GPATCH2: variants seen among roughly 807,000 people sequenced by gnomAD.
GPATCH2 encodes G-patch domain containing 2, also known as G patch domain-containing protein 2.
Under a neutral mutation model 58.0 loss-of-function variants are expected in GPATCH2, and 51 were observed. The ratio of observed to expected loss-of-function variants is 0.88; its 90% CI spans 0.70 to 1.11. GPATCH2 has a LOEUF of 1.11. Among genes scored for constraint, GPATCH2 ranks in the 50% most tolerant of loss-of-function variants. The pLI is 0.00. For missense variants in GPATCH2, 625 were observed against 652.2 expected (o/e 0.96, Z 0.45); for synonymous variants, 222 against 218.5 (o/e 1.02, Z -0.14).
intron 5 of GPATCH2, among the ~76,000 whole-genome samples, chr1:217,525,349 T>C (rs1233812909): frequency 6.6e-6 from 1 of 152,188 alleles, no homozygotes; most frequent in Admixed American, 6.5e-5. Context: ...CTGAAATACA[T>C]AGCACATAAT....
chr1:217,524,181 G>C (rs1320352352), intron 5 of GPATCH2, among the ~76,000 whole-genome samples: 2 of 138,778 alleles, frequency 1.4e-5, no homozygotes, highest in East Asian at 4.5e-4. Flanking sequence ...CTTCTCAGAC[G>C]GGGCGGCTGC....
chr1:217,451,348 A>C (rs766739132), intron 8 of GPATCH2, among the ~76,000 whole-genome samples: 30 of 152,236 alleles, frequency 2.0e-4, no homozygotes, highest in Non-Finnish European at 3.7e-4. Flanking sequence ...AACCGAAAGC[A>C]ATGGGAAATA....
chr1:217,529,552 A>G (rs1664086182), intron 5 of GPATCH2, among the ~76,000 whole-genome samples: 1 of 152,188 alleles, frequency 6.6e-6, no homozygotes. Flanking sequence ...GCAGAATAAG[A>G]GCCCTCACCA....
intron 3 of GPATCH2, among the ~76,000 whole-genome samples, chr1:217,613,064 C>G (rs932812164): frequency 6.6e-6 from 1 of 151,810 alleles, no homozygotes; most frequent in Admixed American, 6.6e-5. Context: ...TAACCAATAT[C>G]AGCATTTATA....
At chr1:217,572,629 A>G (rs1666622021) in intron 5 of GPATCH2, among the ~76,000 whole-genome samples, 1 of 152,234 alleles carries the variant, frequency 6.6e-6, no homozygotes. Flanking sequence ...GAATACATTA[A>G]GAACCAGAAT....
intron 5 of GPATCH2, among the ~76,000 whole-genome samples, chr1:217,565,264 A>G (rs1666162031): frequency 6.6e-6 from 1 of 152,252 alleles, no homozygotes; most frequent in Non-Finnish European, 1.5e-5. Context: ...ATGCAAATGT[A>G]TAAGGGCAAG....
At chr1:217,439,835 T>G (rs535442432) in intron 9 of GPATCH2, among the ~76,000 whole-genome samples, 1 of 152,188 alleles carries the variant, frequency 6.6e-6, no homozygotes, top group Non-Finnish European at 1.5e-5. Context: ...AATCCCTGAA[T>G]AGACTAATAA....
At chr1:217,568,098 T>C (rs756947736) in intron 5 of GPATCH2, among the ~76,000 whole-genome samples, 21 of 151,952 alleles carry the variant, frequency 1.4e-4, no homozygotes, top group South Asian at 2.1e-4. Context: ...GCCTGGGCGA[T>C]AGAGCAAGAC....
At chr1:217,548,137 G>A (rs1488470406) in intron 5 of GPATCH2, among the ~76,000 whole-genome samples, 1 of 151,942 alleles carries the variant, frequency 6.6e-6, no homozygotes, top group East Asian at 1.9e-4. Flanking sequence ...GTGTGAAAAC[G>A]GACTAATACG....
chr1:217,446,389 G>C (rs1659388124), intron 9 of GPATCH2, among the ~76,000 whole-genome samples: 1 of 152,082 alleles, frequency 6.6e-6, no homozygotes. Flanking sequence ...AATTTTCAGA[G>C]ACAAGATGAT....
At chr1:217,500,371 G>T (rs1398908128) in intron 6 of GPATCH2, among the ~76,000 whole-genome samples, 1 of 151,858 alleles carries the variant, frequency 6.6e-6, no homozygotes, top group African/African-American at 2.4e-5. Flanking sequence ...GATCTGTCCT[G>T]GAACTTCCTT....
chr1:217,513,697 T>C (rs1045463315), intron 6 of GPATCH2, among the ~76,000 whole-genome samples: 3 of 152,204 alleles, frequency 2.0e-5, no homozygotes, highest in South Asian at 4.1e-4. Flanking sequence ...TTTTAAAAAA[T>C]TATCTAGTAA....
chr1:217,469,073 TAA>T (rs2102499165), intron 8 of GPATCH2, among the ~76,000 whole-genome samples: 1 of 152,272 alleles, frequency 6.6e-6, no homozygotes, highest in South Asian at 2.1e-4. Context: ...GAAATTAAAT[TAA>T]GTTATCCATG....
chr1:217,521,271 CCTAGA>C (rs1663440773), intron 5 of GPATCH2, among the ~76,000 whole-genome samples: 1 of 146,164 alleles, frequency 6.8e-6, no homozygotes, highest in Admixed American at 6.9e-5. Flanking sequence ...GGGCACATGC[CCTAGA>C]CTATAGGAAT....
chr1:217,548,191 T>A (rs1300423431), intron 5 of GPATCH2, among the ~76,000 whole-genome samples: 3 of 152,062 alleles, frequency 2.0e-5, no homozygotes, highest in Admixed American at 1.3e-4. Context: ...TTCTCACTTA[T>A]AAGTGGGAGC....
intron 5 of GPATCH2, among the ~76,000 whole-genome samples, chr1:217,564,509 GT>G (rs60915198): frequency 0.032 from 4,919 of 152,188 alleles, 176 homozygotes; most frequent in East Asian, 0.17. Flanking sequence ...CAAATACTCC[GT>G]TTGACTCCAC....
At chr1:217,509,954 T>C (rs1662764972) in intron 6 of GPATCH2, among the ~76,000 whole-genome samples, 1 of 152,192 alleles carries the variant, frequency 6.6e-6, no homozygotes, top group South Asian at 2.1e-4. Context: ...GAAACACCAA[T>C]GATTCCTTAA....
intron 9 of GPATCH2, among the ~76,000 whole-genome samples, chr1:217,432,316 A>G (rs1658579158): frequency 7.6e-6 from 1 of 131,906 alleles, no homozygotes; most frequent in Non-Finnish European, 1.6e-5. Flanking sequence ...GACATTTTCA[A>G]AAATAGACTT....
At chr1:217,564,208 G>A in intron 5 of GPATCH2, among the ~76,000 whole-genome samples, 1 of 151,992 alleles carries the variant, frequency 6.6e-6, no homozygotes, top group Non-Finnish European at 1.5e-5. Context: ...TGTAAAAAAG[G>A]GTAACGTTAT....
Sources: gnomAD v4.1 joint callset for allele counts (sites outside exome capture counted in the v4.1 genomes callset) on GRCh38, gnomAD v4.1.1 for gene constraint, MANE v1.5 for transcripts, NCBI Gene and HGNC (gene_info 2026-07-23, HGNC 2026-07-21) for gene names.